Variants in PLS1 observed in about 807,000 individuals in gnomAD.
PLS1 encodes the protein plastin-1.
Under a neutral mutation model 73.7 loss-of-function variants are expected in PLS1, and 32 were observed. The observed-to-expected ratio is 0.43, with a 90% confidence interval of 0.33 to 0.58. PLS1 has a LOEUF of 0.58. Among genes scored for constraint, PLS1 ranks in the 20% least tolerant of loss-of-function variants. The probability of loss-of-function intolerance (pLI) is 0.04; values close to 1 mark genes in which losing one functional copy is unlikely to be tolerated. For missense variants in PLS1, 633 were observed against 740.5 expected (o/e 0.85, Z 1.68); for synonymous variants, 217 against 261.3 (o/e 0.83, Z 1.63).
chr3:142,628,962 A>G (rs936747673), intron 1 of PLS1, among the ~76,000 whole-genome samples: 1 of 152,224 alleles, frequency 6.6e-6, no homozygotes, highest in African/African-American at 2.4e-5. Flanking sequence ...CTCTTATGGC[A>G]GGTCCAGAGG....
intron 6 of PLS1, among the ~76,000 whole-genome samples, chr3:142,683,558 C>T (rs746078271): frequency 2.0e-5 from 3 of 152,164 alleles, no homozygotes; most frequent in East Asian, 1.9e-4. Flanking sequence ...GATCAGACCC[C>T]GGCCTTTCCA....
intron 1 of PLS1, among the ~76,000 whole-genome samples, chr3:142,602,319 A>G (rs948514625): frequency 3.3e-5 from 5 of 152,066 alleles, no homozygotes; most frequent in African/African-American, 1.2e-4. Context: ...TGGGAAGCTC[A>G]CCTTGTGTAG....
chr3:142,704,896 G>A (rs956533259), intron 14 of PLS1, among the ~76,000 whole-genome samples: 2 of 149,974 alleles, frequency 1.3e-5, no homozygotes, highest in South Asian at 4.2e-4. Flanking sequence ...CTGACCTCGT[G>A]ATCCGCCCGC....
intron 1 of PLS1, among the ~76,000 whole-genome samples, chr3:142,621,149 T>C (rs2036308254): frequency 6.6e-6 from 1 of 152,214 alleles, no homozygotes; most frequent in Non-Finnish European, 1.5e-5. Flanking sequence ...TTCAGTATTT[T>C]TTTCCTGGAA....
chr3:142,702,908 TAGA>T lies in PLS1; in HGVS notation c.1372-954_1372-952del, dbSNP rs556862866. Among the ~76,000 whole-genome samples, 585 of 152,286 alleles carry T rather than the reference TAGA, an allele frequency of 3.8e-3. 5 individuals carry two copies. Among genetic ancestry groups the T allele is most frequent in the African/African-American group, 0.014 (563 of 41,556 alleles). ...TGTGCACGTAAAAATTTTTGTCCTT[TAGA>T]AGAAGCTTATACTCTAGTTGTTGAA... is the stretch of plus-strand genomic sequence containing the variant. On this transcript the variant is annotated intron_variant, in intron 12 of 15. Coordinates refer to ENST00000457734, the MANE Select transcript of PLS1 (RefSeq NM_001145319.2).
chr3:142,611,982 A>T (rs1339247222), intron 1 of PLS1, among the ~76,000 whole-genome samples: 1 of 152,202 alleles, frequency 6.6e-6, no homozygotes, highest in Non-Finnish European at 1.5e-5. Context: ...CATTCTCAAG[A>T]ATTCTAACTC....
At position 142,713,590 on chromosome 3, in the gene PLS1, T is replaced by C. The variant is rs1019780481; in HGVS notation, c.*1583T>C. ...ATTGTATTTACTAAGTTATTGGATTTACATGAAATCTGGCACTTTAGGGTG... is the reference window on the plus strand; with the variant it reads ...ATTGTATTTACTAAGTTATTGGATTCACATGAAATCTGGCACTTTAGGGTG... On this transcript the variant is annotated 3_prime_UTR_variant, in exon 16 of 16. Transcript: ENST00000457734. The C allele has an allele frequency of 5.9e-5, 9 of 152,612 alleles. No homozygotes were observed. The highest frequency in any genetic ancestry group is 2.2e-4 in the African/African-American group (9 of 41,462). The allele number at this position is 152,612 out of a possible 1,614,324, so 9.5% of individuals were successfully genotyped here.
At chr3:142,645,460 T>G (rs1333684844) in intron 1 of PLS1, 1 of 152,222 alleles carries the variant, frequency 6.6e-6, no homozygotes, top group Non-Finnish European at 1.5e-5. Context: ...GCACGCTGGG[T>G]AGGACTCCTC....
chr3:142,704,580 CT>C lies in PLS1; in HGVS notation c.1625del (p.Phe542SerfsTer6). On this transcript the variant is annotated frameshift_variant, in exon 14 of 16. Coordinates refer to ENST00000457734, the MANE Select transcript of PLS1 (RefSeq NM_001145319.2). LOFTEE classifies it high-confidence loss of function. ...CAAACAAAAAGACTTCTATTTCCAG[CT>C]TCAAGGTAATCAAGAGTCCTAAAAA... is the stretch of plus-strand genomic sequence containing the variant. Reference protein sequence around the residue: ...SANKKTSISSFKDKSISTSLP... With the variant: ...SANKKTSISSXKDKSISTSLP... 1 of 1,567,982 alleles carries C rather than the reference CT, an allele frequency of 6.4e-7. No individual in the cohort carries two copies. The highest frequency in any genetic ancestry group is 8.6e-7 in the Non-Finnish European group (1 of 1,157,938).
At chr3:142,626,189 T>C (rs1406151143) in intron 1 of PLS1, among the ~76,000 whole-genome samples, 1 of 152,030 alleles carries the variant, frequency 6.6e-6, no homozygotes, top group East Asian at 1.9e-4. Context: ...CAGGAGTAAA[T>C]AAGGCATGGG....
chr3:142,636,942 G>A (rs372041373), intron 1 of PLS1, among the ~76,000 whole-genome samples: 3 of 152,162 alleles, frequency 2.0e-5, no homozygotes, highest in African/African-American at 7.2e-5. Context: ...GGAGGAACGC[G>A]AAATCTCATA....
At chr3:142,659,558 G>GATAGTT (rs2037318515) in intron 1 of PLS1, among the ~76,000 whole-genome samples, 1 of 151,936 alleles carries the variant, frequency 6.6e-6, no homozygotes, top group Non-Finnish European at 1.5e-5. Context: ...TTGGTAGGCT[G>GATAGTT]ATAGTCTAAA....
At chr3:142,684,552 T>G (rs568342322) in intron 8 of PLS1, among the ~76,000 whole-genome samples, 157 bp downstream of exon 8, 1 of 152,342 alleles carries the variant, frequency 6.6e-6, no homozygotes, top group Admixed American at 6.5e-5. Flanking sequence ...CCCAATTATA[T>G]TCACAAAATA....
chr3:142,660,025 A>G (rs1012437461), intron 1 of PLS1, among the ~76,000 whole-genome samples: 16 of 152,198 alleles, frequency 1.1e-4, no homozygotes, highest in African/African-American at 3.9e-4. Context: ...GAAAATTTAG[A>G]TAAAATTGGA....
chr3:142,709,811 T>C (rs1039688133), intron 14 of PLS1, among the ~76,000 whole-genome samples: 4 of 111,580 alleles, frequency 3.6e-5, no homozygotes, highest in African/African-American at 1.6e-4. Flanking sequence ...AGCGAGACTC[T>C]GCGTCAAAAA....
chr3:142,692,893 A>G lies in PLS1; in HGVS notation c.1178-1576A>G, dbSNP rs144705077. ...AGAAACAACTGAGAGGTAAATCCAA[A>G]TCAAAGGCATCAAGTTATTGATCAT... On this transcript the variant is annotated intron_variant, in intron 10 of 15. Transcript: ENST00000457734. Among the ~76,000 whole-genome samples the G allele has an allele frequency of 3.8e-3, 579 of 152,206 alleles. 4 individuals carry two copies. Among genetic ancestry groups the G allele is most frequent in the African/African-American group, 0.012 (505 of 41,550 alleles).
chr3:142,649,155 G>T (rs772458352), intron 1 of PLS1, among the ~76,000 whole-genome samples: 6 of 151,926 alleles, frequency 3.9e-5, no homozygotes, highest in African/African-American at 7.3e-5. Flanking sequence ...TACTCACTTT[G>T]TCAGCTTTAG....
chr3:142,603,821 A>G (rs368765908), intron 1 of PLS1, among the ~76,000 whole-genome samples: 12 of 152,126 alleles, frequency 7.9e-5, no homozygotes, highest in African/African-American at 2.4e-4. Context: ...CTCACTGCAC[A>G]CAGACATGCC....
intron 1 of PLS1, among the ~76,000 whole-genome samples, chr3:142,606,166 T>G (rs946677080): frequency 1.3e-5 from 2 of 152,236 alleles, no homozygotes; most frequent in South Asian, 4.1e-4. Flanking sequence ...TCAGTGGGAA[T>G]AGTCTGCATG....
Sources: allele counts gnomAD v4.1 joint callset (sites outside exome capture counted in the v4.1 genomes callset), GRCh38; gene constraint gnomAD v4.1.1; transcripts MANE v1.5; gene names NCBI Gene and HGNC (gene_info 2026-07-23, HGNC 2026-07-21).